Variants in TLE2 observed in about 807,000 individuals in gnomAD.
TLE2 encodes the protein transducin-like enhancer protein 2.
Under a neutral mutation model 97.2 loss-of-function variants are expected in TLE2, and 74 were observed. That is an observed-to-expected ratio of 0.76 (90% CI 0.63 to 0.92). TLE2 has a LOEUF of 0.92. Ranked by LOEUF, TLE2 falls within the 40% of genes least tolerant of loss-of-function variation. The pLI is 0.00. For synonymous variants in TLE2, 499 were observed against 432.1 expected, an observed-to-expected ratio of 1.15 and a Z score of -1.92; for missense variants, 1,038 against 1,008.7, an observed-to-expected ratio of 1.03 and a Z score of -0.39.
chr19:3,013,002 G>A (rs1313653357), intron 11 of TLE2, among the ~76,000 whole-genome samples: 1 of 152,128 alleles, frequency 6.6e-6, no homozygotes, highest in Non-Finnish European at 1.5e-5. Flanking sequence ...AGATGGAATG[G>A]GAGCCCCAAC....
At chr19:2,998,394 C>T (rs555803553) in intron 19 of TLE2, among the ~76,000 whole-genome samples, 7 of 151,948 alleles carry the variant, frequency 4.6e-5, no homozygotes, top group African/African-American at 1.7e-4. Context: ...CCTCCTGTCT[C>T]GAACTCCCAA....
rs777260518 is a variant in TLE2, at chr19:3,008,945, T to C, written c.1174A>G (p.Met392Val). ...AGATGGGGATGAGACTCAAATGCCATCTGTGAGAATGCCAGGGGGGTGTCA... is the reference window on the plus strand; with the variant it reads ...AGATGGGGATGAGACTCAAATGCCACCTGTGAGAATGCCAGGGGGGTGTCA... ...SSVVYGRSPV[M>V]AFESHPHLRG... The change falls in exon 14 of 20, where the codon ATG becomes GTG. Residue 392 changes from methionine (M) to valine (V), a missense_variant and splice_region_variant. Met to Val is a conservative substitution (Grantham distance 21). Coordinates refer to ENST00000262953, the MANE Select transcript of TLE2 (RefSeq NM_003260.5). The C allele has an allele frequency of 6.3e-7, 1 of 1,584,316 alleles. No individual in the cohort carries two copies. The highest frequency in any genetic ancestry group is 8.6e-7 in the Non-Finnish European group (1 of 1,165,256).
At chr19:3,010,187 A>C (rs1325751941) in intron 12 of TLE2, among the ~76,000 whole-genome samples, 2 of 151,926 alleles carry the variant, frequency 1.3e-5, no homozygotes, top group Non-Finnish European at 2.9e-5. Context: ...AACATGGTGA[A>C]ACCTGGTCTC....
chr19:3,007,781 C>T (rs903475502), intron 14 of TLE2, among the ~76,000 whole-genome samples: 1 of 152,092 alleles, frequency 6.6e-6, no homozygotes, highest in African/African-American at 2.4e-5. Flanking sequence ...CTTAAATGAA[C>T]TGAAATTAAA....
At chr19:3,035,865 A>G (rs1349274260) in intron 1 of TLE2, among the ~76,000 whole-genome samples, 2 of 151,394 alleles carry the variant, frequency 1.3e-5, no homozygotes, top group African/African-American at 2.4e-5. Flanking sequence ...TGGACGCCCG[A>G]GCTCGACCGG....
Position 3,025,067 on chromosome 19 carries a change from G to C in TLE2, c.247C>G (p.Arg83Gly). ...ATCTGAGCGCAGATACCGCTCAGAC[G>C]CTTCACAATCTCCGCCTGGCAGGAA... ...EMHKQAEIVK[R>G]LSGICAQIIP... is the part of the protein sequence containing the mutation. The change falls in exon 5 of 20, where the codon CGT (arginine) becomes GGT (glycine). Residue 83 changes from arginine to glycine, a missense_variant. Physicochemically the swap from Arg to Gly is moderately radical, Grantham distance 125 (BLOSUM62 -2). Transcript: ENST00000262953. 3 of 1,604,144 alleles carry C rather than the reference G, an allele frequency of 1.9e-6. No homozygotes were observed. The highest frequency in any genetic ancestry group is 2.6e-6 in the Non-Finnish European group (3 of 1,175,640).
intron 1 of TLE2, among the ~76,000 whole-genome samples, chr19:3,039,663 A>G (rs968034031): frequency 1.3e-5 from 2 of 152,058 alleles, no homozygotes; most frequent in Non-Finnish European, 2.9e-5. Flanking sequence ...GCCCCAACAC[A>G]CCACCGGCTA....
chr19:3,009,811 C>G (rs1026274235), intron 12 of TLE2, 109 bp from the exon 13 acceptor site: 4 of 1,371,956 alleles, frequency 2.9e-6, no homozygotes, highest in Non-Finnish European at 3.9e-6. Context: ...TGTGCTGGTT[C>G]CACATTGGCC....
At chr19:3,026,207 G>A (rs963950174) in intron 4 of TLE2, among the ~76,000 whole-genome samples, 1 of 152,096 alleles carries the variant, frequency 6.6e-6, no homozygotes, top group Non-Finnish European at 1.5e-5. Flanking sequence ...AGCACTTTGG[G>A]AGGCCGAGGC....
rs186838755 is a variant in TLE2, at chr19:3,015,137, G to A, written c.678+516C>T. 4.5e-4 allele frequency among the ~76,000 whole-genome samples: 67 copies of A among 150,470 alleles called. No homozygotes were observed. In the East Asian group the frequency reaches 8.8e-3, roughly 20 times the overall value. ...AGAAACAGCAATATTGGCCCACCCTGAGCCTGCCAGTCTCCGGGGATCAAG... is the reference window on the plus strand; with the variant it reads ...AGAAACAGCAATATTGGCCCACCCTAAGCCTGCCAGTCTCCGGGGATCAAG... On this transcript the variant is annotated intron_variant, in intron 9 of 19. Transcript: ENST00000262953.
At chr19:3,039,546 G>T (rs1005190791) in intron 1 of TLE2, among the ~76,000 whole-genome samples, 4 of 152,174 alleles carry the variant, frequency 2.6e-5, no homozygotes, top group Non-Finnish European at 5.9e-5. Context: ...AGCCTGGCTA[G>T]AGTAGCTCCC....
chr19:3,045,707 T>A, intron 1 of TLE2: 2 of 438,042 alleles, frequency 4.6e-6, no homozygotes, highest in Non-Finnish European at 9.3e-6. Context: ...GGCGGGCGCC[T>A]GTAATCCCAG....
intron 11 of TLE2, among the ~76,000 whole-genome samples, chr19:3,011,778 A>G (rs949557757): frequency 7.2e-5 from 11 of 152,038 alleles, no homozygotes; most frequent in African/African-American, 2.7e-4. Flanking sequence ...TGAACCCGGG[A>G]GGCAGAGGTT....
intron 1 of TLE2, among the ~76,000 whole-genome samples, chr19:3,036,865 C>A (rs1283776683): frequency 6.6e-6 from 1 of 152,102 alleles, no homozygotes; most frequent in African/African-American, 2.4e-5. Context: ...TCTCAGAACC[C>A]CTGTGGTCGG....
chr19:3,043,163 G>A (rs1318004039), intron 1 of TLE2, among the ~76,000 whole-genome samples: 2 of 151,070 alleles, frequency 1.3e-5, no homozygotes, highest in Non-Finnish European at 2.9e-5. Context: ...AGGTCTCACC[G>A]TGTCGCCCAG....
At chr19:3,038,121 C>CA (rs2090074868) in intron 1 of TLE2, among the ~76,000 whole-genome samples, 1 of 151,798 alleles carries the variant, frequency 6.6e-6, no homozygotes, top group Non-Finnish European at 1.5e-5. Flanking sequence ...GACTCTGTCT[C>CA]AAAAAAATAA....
chr19:3,038,894 A>G (rs1377816180), intron 1 of TLE2, among the ~76,000 whole-genome samples: 3 of 152,098 alleles, frequency 2.0e-5, no homozygotes, highest in Non-Finnish European at 2.9e-5. Context: ...AAAATACAAA[A>G]TTAGCCAGGG....
chr19:3,043,364 CTT>C (rs71337196), intron 1 of TLE2, among the ~76,000 whole-genome samples: 45 of 108,888 alleles, frequency 4.1e-4, no homozygotes, highest in African/African-American at 1.6e-3. Flanking sequence ...CCTTCTGCAG[CTT>C]TTTTTTTTTT....
chr19:3,042,279 G>A (rs1207519674), intron 1 of TLE2, among the ~76,000 whole-genome samples: 1 of 122,146 alleles, frequency 8.2e-6, no homozygotes, highest in Non-Finnish European at 1.8e-5. Flanking sequence ...CCTGTGGAGG[G>A]GCAGGGAGGA....
Sources: allele counts gnomAD v4.1 joint callset (sites outside exome capture counted in the v4.1 genomes callset), GRCh38; gene constraint gnomAD v4.1.1; transcripts MANE v1.5; gene names NCBI Gene and HGNC (gene_info 2026-07-23, HGNC 2026-07-21).